Variants in CLASP1 observed in about 807,000 individuals in gnomAD.
CLASP1 encodes the protein cytoplasmic linker associated protein 1.
Under a neutral mutation model 192.3 loss-of-function variants are expected in CLASP1, and 38 were observed. The observed-to-expected ratio is 0.20, with a 90% confidence interval of 0.15 to 0.26. The LOEUF is 0.26. Ranked by LOEUF, CLASP1 falls within the 10% of genes least tolerant of loss-of-function variation. CLASP1 has a pLI of 1.00. For missense variants in CLASP1, 1,433 were observed against 1,932.5 expected, an observed-to-expected ratio of 0.74 and a Z score of 4.85; for synonymous variants, 691 against 712.8, an observed-to-expected ratio of 0.97 and a Z score of 0.49.
At chr2:121,425,387 C>T (rs1051708954) in intron 21 of CLASP1, 81 bp from the exon 22 acceptor site, 145 of 1,257,422 alleles carry the variant, frequency 1.2e-4, no homozygotes, top group African/African-American at 4.4e-4. Context: ...CCAGATTTTA[C>T]ACATTAATTT....
intron 2 of CLASP1, among the ~76,000 whole-genome samples, chr2:121,545,029 A>G (rs2105062126): frequency 6.6e-6 from 1 of 151,672 alleles, no homozygotes; most frequent in African/African-American, 2.4e-5. Flanking sequence ...CTCCTGCCTC[A>G]GCCTCCCGAG....
At chr2:121,467,791 T>G (rs2089942673) in intron 9 of CLASP1, among the ~76,000 whole-genome samples, 1 of 152,244 alleles carries the variant, frequency 6.6e-6, no homozygotes, top group Non-Finnish European at 1.5e-5. Context: ...CAGAAGCTCT[T>G]TAATTAGGTC....
At chr2:121,530,484 A>C (rs967422212) in intron 2 of CLASP1, 159 bp from the exon 3 acceptor site, 1 of 603,410 alleles carries the variant, frequency 1.7e-6, no homozygotes, top group Admixed American at 2.9e-5. Flanking sequence ...ACGAAGAAGG[A>C]TGATCTTCCA....
intron 37 of CLASP1, among the ~76,000 whole-genome samples, chr2:121,353,159 A>G (rs1236788818): frequency 6.6e-6 from 1 of 152,148 alleles, no homozygotes; most frequent in Non-Finnish European, 1.5e-5. Context: ...GAGAAACCCC[A>G]TCTCAAACAA....
At chr2:121,530,920 G>T (rs77516008) in intron 2 of CLASP1, 1 of 699,696 alleles carries the variant, frequency 1.4e-6, no homozygotes, top group Non-Finnish European at 2.6e-6. Context: ...TCCAATGAGC[G>T]CATAGTGAGG....
chr2:121,455,380 G>A (rs2086414041), intron 14 of CLASP1, among the ~76,000 whole-genome samples: 1 of 152,140 alleles, frequency 6.6e-6, no homozygotes, highest in African/African-American at 2.4e-5. Context: ...ATTCACAATA[G>A]CCAAGATAGG....
At chr2:121,384,156 A>G (rs1038631702) in intron 32 of CLASP1, among the ~76,000 whole-genome samples, 4 of 141,494 alleles carry the variant, frequency 2.8e-5, no homozygotes, top group African/African-American at 1.2e-4. Context: ...ACACACACAC[A>G]CATATATATA....
chr2:121,515,328 T>A (rs2094256931), intron 7 of CLASP1, among the ~76,000 whole-genome samples: 1 of 152,208 alleles, frequency 6.6e-6, no homozygotes, highest in African/African-American at 2.4e-5. Flanking sequence ...CCTACTATAC[T>A]AAGTGCTGTC....
intron 2 of CLASP1, among the ~76,000 whole-genome samples, chr2:121,601,506 G>A (rs1183622432): frequency 2.6e-5 from 4 of 152,000 alleles, no homozygotes; most frequent in African/African-American, 9.7e-5. Flanking sequence ...TCCTGACCTC[G>A]TGATCCGCCT....
Position 121,340,639 on chromosome 2 carries a change from T to A in CLASP1, c.*222A>T. 7.6e-6 allele frequency: 4 copies of A among 523,528 alleles called. No individual in the cohort carries two copies. In the South Asian group the frequency reaches 8.6e-5, roughly 11 times the overall value. The allele number at this position is 523,528 out of a possible 1,614,324, so 32.4% of individuals were successfully genotyped here. On this transcript the variant is annotated 3_prime_UTR_variant, in exon 40 of 40. Transcript: ENST00000263710. The stretch of plus-strand genomic sequence containing the variant: ...TCAGTATGGCTCTTTTCTGTTCTTA[T>A]TCCTTTTGTTTTGTATGAAGACTGC...
chr2:121,610,120 A>T (rs2065020129), intron 1 of CLASP1, among the ~76,000 whole-genome samples: 1 of 152,236 alleles, frequency 6.6e-6, no homozygotes, highest in African/African-American at 2.4e-5. Context: ...ATTGTATTTT[A>T]AAATGCAGAA....
Position 121,640,451 on chromosome 2 carries a change from T to C in CLASP1, c.-286+8921A>G, listed in dbSNP as rs561007511. 3.7e-3 allele frequency among the ~76,000 whole-genome samples: 558 copies of C among 152,308 alleles called. 5 individuals are homozygous for C. Among genetic ancestry groups the C allele is most frequent in the African/African-American group, 0.013 (535 of 41,566 alleles). On this transcript the variant is annotated intron_variant, in intron 1 of 39. Coordinates refer to ENST00000263710, the Ensembl canonical transcript of CLASP1. ...ACACTTGAAAGAAAAAAAAACTTTA[T>C]CAGGTCTTCAGTTATCTGGATTGTC...
intron 38 of CLASP1, among the ~76,000 whole-genome samples, chr2:121,347,540 C>T (rs535769921): frequency 1.3e-5 from 2 of 152,296 alleles, no homozygotes; most frequent in African/African-American, 2.4e-5. Context: ...ACCAAATTTC[C>T]TTGTGAAAAT....
At chr2:121,365,351 G>T in intron 35 of CLASP1, 67 bp from the exon 37 acceptor site, 1 of 1,417,700 alleles carries the variant, frequency 7.1e-7, no homozygotes, top group Non-Finnish European at 9.7e-7. Context: ...TTGCTCAGTG[G>T]TGCGCAGTGA....
At chr2:121,484,268 A>C (rs1283180554) in intron 8 of CLASP1, among the ~76,000 whole-genome samples, 1 of 152,190 alleles carries the variant, frequency 6.6e-6, no homozygotes, top group Non-Finnish European at 1.5e-5. Flanking sequence ...GCCACACACC[A>C]CATCTCCATC....
intron 2 of CLASP1, among the ~76,000 whole-genome samples, chr2:121,548,359 A>C (rs1029984078): frequency 6.6e-6 from 1 of 152,234 alleles, no homozygotes; most frequent in Non-Finnish European, 1.5e-5. Flanking sequence ...AGTCAGACAA[A>C]AATAGTGACA....
chr2:121,495,410 C>T (rs1221618799), intron 8 of CLASP1, among the ~76,000 whole-genome samples: 7 of 152,138 alleles, frequency 4.6e-5, no homozygotes, highest in Non-Finnish European at 1.0e-4. Flanking sequence ...CCTGTAATAC[C>T]AGCGCTTTGG....
At chr2:121,587,248 G>GA (rs1055929563) in intron 2 of CLASP1, among the ~76,000 whole-genome samples, 4 of 151,238 alleles carry the variant, frequency 2.6e-5, no homozygotes, top group South Asian at 2.1e-4. Flanking sequence ...TTCAAAAAAA[G>GA]AAAAAAAAGG....
chr2:121,353,369 A>C (rs1251862056), intron 37 of CLASP1, among the ~76,000 whole-genome samples: 1 of 152,122 alleles, frequency 6.6e-6, no homozygotes, highest in Non-Finnish European at 1.5e-5. Context: ...AATGGGTAAC[A>C]CTGGTAAGCC....
Sources: allele counts gnomAD v4.1 joint callset (sites outside exome capture counted in the v4.1 genomes callset), GRCh38; gene constraint gnomAD v4.1.1; transcripts MANE v1.5; gene names NCBI Gene and HGNC (gene_info 2026-07-23, HGNC 2026-07-21).